NBPF26: variants seen among roughly 807,000 people sequenced by gnomAD.
The protein encoded by NBPF26 is NBPF member 26.
NBPF26 carries 79 observed loss-of-function variants against 119.6 expected under a neutral mutation model. The ratio of observed to expected loss-of-function variants is 0.66; its 90% CI spans 0.55 to 0.80. NBPF26 has a LOEUF of 0.80. NBPF26 is among the 30% of genes least tolerant of loss of function. NBPF26 has a pLI of 0.00. For missense variants in NBPF26, 800 were observed against 1,198.2 expected (o/e 0.67, Z 4.91); for synonymous variants, 299 against 457.7 (o/e 0.65, Z 4.43).
At chr1:120,754,942 C>A (rs1298936677) in intron 1 of NBPF26, among the ~76,000 whole-genome samples, 13 of 127,778 alleles carry the variant, frequency 1.0e-4, no homozygotes, top group African/African-American at 4.0e-4. Flanking sequence ...CATAAACATG[C>A]AAGCTGAAGG....
chr1:120,833,223 C>T (rs1196617677), intron 23 of NBPF26, among the ~76,000 whole-genome samples: 1 of 116,220 alleles, frequency 8.6e-6, no homozygotes, highest in South Asian at 2.7e-4. Context: ...GCCACTGCAT[C>T]GAATTTTGAG....
chr1:120,806,482 A>G (rs1401390457), intron 5 of NBPF26, among the ~76,000 whole-genome samples: 1 of 119,486 alleles, frequency 8.4e-6, no homozygotes, highest in Non-Finnish European at 1.7e-5. Context: ...AATCACCACT[A>G]ATCGGGAGGC....
intron 29 of NBPF26, among the ~76,000 whole-genome samples, chr1:120,840,064 C>T (rs879187428): frequency 1.5e-5 from 1 of 65,882 alleles, no homozygotes; most frequent in Admixed American, 1.5e-4. Context: ...AGGGCACTAA[C>T]TCAGAGTGTC....
chr1:120,815,087 TGA>T, intron 12 of NBPF26, 44 bp downstream of exon 12: 9 of 1,188,274 alleles, frequency 7.6e-6, no homozygotes, highest in Non-Finnish European at 1.1e-5. Context: ...CCCAGGCTTA[TGA>T]GAGACTCCAG....
At position 120,811,807 on chromosome 1, in the gene NBPF26, G is replaced by A; in HGVS notation, c.1565-79G>A. 2 of 691,224 alleles carry A rather than the reference G, an allele frequency of 2.9e-6. 1 individual carries two copies. The highest frequency in any genetic ancestry group is 3.0e-5 in the South Asian group (2 of 66,732). 42.8% of individuals were successfully genotyped at this position (691,224 alleles called of 1,614,324 possible). A position where few individuals can be genotyped will look rare whatever the true frequency, so the allele number is the denominator to read the frequency against. ...CAAATAAGTAAACAAGGCTACCAGT[G>A]ACATCCCTCAGTCCTGATTAAGCCT... On this transcript the variant is annotated intron_variant, in intron 9 of 29. Coordinates refer to ENST00000620612, the Ensembl canonical transcript of NBPF26.
intron 4 of NBPF26, among the ~76,000 whole-genome samples, chr1:120,802,835 A>T (rs1651597893): frequency 9.2e-6 from 1 of 108,648 alleles, no homozygotes; most frequent in East Asian, 2.1e-4. Context: ...TAAAAAGGGA[A>T]AGTGTTCCCT....
chr1:120,724,790 C>T (rs1650800199), intron 1 of NBPF26, among the ~76,000 whole-genome samples: 1 of 105,180 alleles, frequency 9.5e-6, no homozygotes, highest in East Asian at 2.2e-4. Context: ...TTGCGGCGCG[C>T]CTGAGTTTTG....
In NBPF26 at chr1:120,756,725, T is replaced by C. The variant is rs1352508087; in HGVS notation, c.74-6903T>C. ...AGCCAGTGATATGTAGCTGGTATGA[T>C]ACTGAAAAGCATTGGAAAACTTAGG... On this transcript the variant is annotated intron_variant, in intron 1 of 29. Coordinates refer to ENST00000620612, the Ensembl canonical transcript of NBPF26. 1.0e-4 allele frequency among the ~76,000 whole-genome samples: 12 copies of C among 116,028 alleles called. 1 individual carries two copies. The highest frequency in any genetic ancestry group is 1.8e-4 in the Non-Finnish European group (11 of 60,896). The allele number at this position is 116,028 out of a possible 152,430, so 76.1% of individuals were successfully genotyped here. A position where few individuals can be genotyped will look rare whatever the true frequency, so the allele number is the denominator to read the frequency against.
chr1:120,840,099 A>T (rs1277136468), intron 29 of NBPF26, among the ~76,000 whole-genome samples: 1 of 64,800 alleles, frequency 1.5e-5, no homozygotes, highest in Non-Finnish European at 2.7e-5. Flanking sequence ...CCAGTATGTC[A>T]CCTGGCCAAT....
At chr1:120,808,213 G>A (rs1379185206) in intron 6 of NBPF26, among the ~76,000 whole-genome samples, 11 of 118,736 alleles carry the variant, frequency 9.3e-5, no homozygotes, top group Non-Finnish European at 6.7e-5. Flanking sequence ...GATGCACTAT[G>A]TGTATTTTCA....
At chr1:120,801,419 TA>T (rs1297535277) in intron 4 of NBPF26, among the ~76,000 whole-genome samples, 1 of 110,068 alleles carries the variant, frequency 9.1e-6, no homozygotes, top group Non-Finnish European at 1.8e-5. Flanking sequence ...AATATATGCT[TA>T]AAAATGGTGA....
chr1:120,820,421 T>A (rs1180431822), intron 15 of NBPF26, among the ~76,000 whole-genome samples: 1 of 39,222 alleles, frequency 2.5e-5, no homozygotes, highest in Admixed American at 2.7e-4. Context: ...GTTGTGCACA[T>A]GTACCCTAAG....
chr1:120,724,105 C>G (rs1557978759), exon 1 of NBPF26: 1 of 1,337,952 alleles, frequency 7.5e-7, no homozygotes, highest in South Asian at 1.4e-5. Context: ...CTATCGGGAC[C>G]CCCTCCCCAT....
chr1:120,815,364 A>G (rs1651985093), intron 12 of NBPF26, among the ~76,000 whole-genome samples: 1 of 116,130 alleles, frequency 8.6e-6, no homozygotes, highest in East Asian at 2.1e-4. Flanking sequence ...TGGACTAAGA[A>G]TGAAGGTTCC....
rs1455440530 is a variant in NBPF26 at position 120,811,590 on chromosome 1, G to C, written c.1565-296G>C. ...AAAATTAAGCAAAACGAAATCTTTT[G>C]TGCTACACAGAAACATTGGCCACTC... is the stretch of plus-strand genomic sequence containing the variant. On this transcript the variant is annotated intron_variant, in intron 9 of 29. Coordinates refer to ENST00000620612, the Ensembl canonical transcript of NBPF26. Among the ~76,000 whole-genome samples, 2 of 113,044 alleles carry C rather than the reference G, an allele frequency of 1.8e-5. 1 individual carries two copies. Among genetic ancestry groups the C allele is most frequent in the Non-Finnish European group, 3.5e-5 (2 of 57,902 alleles). 74.2% of individuals were successfully genotyped at this position (113,044 alleles called of 152,430 possible).
chr1:120,816,856 C>T (rs1652018689), intron 14 of NBPF26, 29 bp downstream of exon 14: 2 of 1,450,482 alleles, frequency 1.4e-6, no homozygotes, highest in Non-Finnish European at 1.8e-6. Flanking sequence ...GTGTCTCATA[C>T]CTCTTTCTTG....
chr1:120,764,377 A>G lies in NBPF26; in HGVS notation c.155+668A>G, dbSNP rs1361152824. Among the ~76,000 whole-genome samples the G allele has an allele frequency of 1.6e-4, 16 of 98,614 alleles. 4 individuals carry two copies. Among genetic ancestry groups the G allele is most frequent in the African/African-American group, 8.3e-4 (13 of 15,690 alleles). 64.7% of individuals were successfully genotyped at this position (98,614 alleles called of 152,430 possible). On this transcript the variant is annotated intron_variant, in intron 2 of 29. Transcript: ENST00000620612. ...CTTGTTTTTAAGTAAAACCAAATAG[A>G]TATCAACTTTAATATTCGGCCCAGT...
At chr1:120,787,963 A>G (rs1327729441) in intron 3 of NBPF26, among the ~76,000 whole-genome samples, 2 of 110,642 alleles carry the variant, frequency 1.8e-5, no homozygotes, top group South Asian at 2.6e-4. Context: ...ATTGATGACT[A>G]CCTTCTTCTA....
exon 30 of NBPF26, chr1:120,840,535 C>A: frequency 6.8e-7 from 1 of 1,470,236 alleles, no homozygotes; most frequent in African/African-American, 2.0e-5. Flanking sequence ...AGGTTTTTTA[C>A]TTTGACGGTG....
Sources: gnomAD v4.1 joint callset for allele counts (sites outside exome capture counted in the v4.1 genomes callset) on GRCh38, gnomAD v4.1.1 for gene constraint, MANE v1.5 for transcripts, NCBI Gene and HGNC (gene_info 2026-07-23, HGNC 2026-07-21) for gene names.